Variants in OXSR1 observed in about 807,000 individuals in gnomAD.
OXSR1 encodes serine/threonine-protein kinase OSR1.
OXSR1 carries 24 observed loss-of-function variants against 79.8 expected under a neutral mutation model. The observed-to-expected ratio is 0.30, with a 90% CI of 0.22 to 0.42. OXSR1 has a LOEUF of 0.42. Ranked by LOEUF, OXSR1 falls within the 10% of genes least tolerant of loss-of-function variation. The pLI is 1.00. For missense variants in OXSR1, 430 were observed against 618.4 expected, an observed-to-expected ratio of 0.70 and a Z score of 3.23; for synonymous variants, 226 against 209.2, an observed-to-expected ratio of 1.08 and a Z score of -0.69.
intron 4 of OXSR1, among the ~76,000 whole-genome samples, chr3:38,206,884 A>C (rs1264193456): frequency 6.6e-6 from 1 of 152,210 alleles, no homozygotes; most frequent in African/African-American, 2.4e-5. Context: ...ACCTCTGGCA[A>C]GTTATTTAAT....
At chr3:38,178,807 A>G (rs1701726478) in intron 1 of OXSR1, among the ~76,000 whole-genome samples, 1 of 151,534 alleles carries the variant, frequency 6.6e-6, no homozygotes, top group Non-Finnish European at 1.5e-5. Context: ...TTTGTAGCAC[A>G]TTAGTATTAG....
At chr3:38,203,118 G>A (rs1702197653) in intron 4 of OXSR1, among the ~76,000 whole-genome samples, 1 of 152,200 alleles carries the variant, frequency 6.6e-6, no homozygotes, top group African/African-American at 2.4e-5. Context: ...GTAGTAGATA[G>A]CGGTAGAAGG....
chr3:38,249,867 C>T, intron 14 of OXSR1, 99 bp from the exon 15 acceptor site: 2 of 764,480 alleles, frequency 2.6e-6, no homozygotes, highest in Non-Finnish European at 4.5e-6. Flanking sequence ...GGGAACAAAA[C>T]AGACTTTCTT....
rs561467648 is a variant in OXSR1 at position 38,211,203 on chromosome 3, A to G, written c.435-4893A>G. 2.6e-5 allele frequency among the ~76,000 whole-genome samples: 4 copies of G among 152,284 alleles called. No homozygotes were observed. In the East Asian group the frequency reaches 7.7e-4, roughly 29 times the overall value. ...TAGACAGTATGTACCTCACTTGGGC[A>G]TTCTGTCTGGTCCTTCATATCAGCT... On this transcript the variant is annotated intron_variant, in intron 4 of 17. Transcript: ENST00000311806.
chr3:38,165,490 A>G (rs1027398938), upstream of OXSR1: 28 of 223,412 alleles, frequency 1.3e-4, 1 homozygote, highest in South Asian at 7.2e-5. Flanking sequence ...CAGCGCAGTG[A>G]CGTCAGCGCG....
intron 12 of OXSR1, 92 bp from the exon 13 acceptor site, chr3:38,245,983 A>C: frequency 8.6e-7 from 1 of 1,168,804 alleles, no homozygotes; most frequent in South Asian, 1.3e-5. Context: ...AACTACTTTG[A>C]AAATATCACC....
At chr3:38,230,297 CT>C in intron 9 of OXSR1, 67 bp from the exon 10 acceptor site, 1 of 1,005,794 alleles carries the variant, frequency 9.9e-7, no homozygotes, top group Non-Finnish European at 1.6e-6. Context: ...TTATGGTGAA[CT>C]TTTTTGTGGG....
Position 38,253,170 on chromosome 3 carries a change from G to C in OXSR1, c.*279G>C. 2.5e-6 allele frequency: 1 copy of C among 405,104 alleles called. No homozygotes were observed. Among genetic ancestry groups the C allele is most frequent in the African/African-American group, 2.1e-5 (1 of 48,750 alleles). The allele number at this position is 405,104 out of a possible 1,614,324, so 25.1% of individuals were successfully genotyped here. On this transcript the variant is annotated 3_prime_UTR_variant, in exon 18 of 18. Coordinates refer to ENST00000311806, the MANE Select transcript of OXSR1 (RefSeq NM_005109.3). ...TGAGAAGTGGCCCATGTGCTTCAAG[G>C]CCCAGGAGGGAGATCTGTCAGCTCA...
intron 10 of OXSR1, among the ~76,000 whole-genome samples, chr3:38,234,119 A>G (rs764436956): frequency 2.0e-5 from 3 of 152,198 alleles, no homozygotes; most frequent in Admixed American, 6.5e-5. Context: ...TTGTTGACCT[A>G]AATATAAGAG....
chr3:38,251,915 G>A (rs542892796), intron 16 of OXSR1, among the ~76,000 whole-genome samples: 5 of 152,298 alleles, frequency 3.3e-5, no homozygotes, highest in East Asian at 1.9e-4. Context: ...ACAGTTTTCC[G>A]TGAAAAACCA....
intron 2 of OXSR1, among the ~76,000 whole-genome samples, chr3:38,185,048 A>G (rs976381712): frequency 3.4e-5 from 5 of 148,862 alleles, no homozygotes; most frequent in Admixed American, 3.4e-4. Flanking sequence ...GGTTCAAGCA[A>G]TTCTCCTACC....
intron 2 of OXSR1, among the ~76,000 whole-genome samples, chr3:38,185,458 C>T (rs1270247661): frequency 2.0e-5 from 3 of 151,966 alleles, no homozygotes; most frequent in Non-Finnish European, 2.9e-5. Context: ...TGGTGGTGCA[C>T]GCCTGTAATT....
chr3:38,181,546 G>C (rs559186413), intron 1 of OXSR1, among the ~76,000 whole-genome samples: 36 of 151,912 alleles, frequency 2.4e-4, no homozygotes, highest in Admixed American at 3.3e-4. Flanking sequence ...AGTAGAGATG[G>C]GGTTTTAAAC....
intron 4 of OXSR1, among the ~76,000 whole-genome samples, chr3:38,210,887 T>A (rs1702372876): frequency 6.6e-6 from 1 of 152,194 alleles, no homozygotes; most frequent in South Asian, 2.1e-4. Flanking sequence ...TCTTTTACCT[T>A]CTGATGTCCA....
intron 1 of OXSR1, among the ~76,000 whole-genome samples, chr3:38,181,850 T>A (rs1701793423): frequency 6.6e-6 from 1 of 151,684 alleles, no homozygotes; most frequent in Non-Finnish European, 1.5e-5. Flanking sequence ...TTATTGTACC[T>A]TGGACATTTA....
At chr3:38,210,276 C>A (rs982190698) in intron 4 of OXSR1, among the ~76,000 whole-genome samples, 4 of 152,098 alleles carry the variant, frequency 2.6e-5, no homozygotes, top group Non-Finnish European at 4.4e-5. Context: ...TCAGTTCCCC[C>A]CCAAGGTGAG....
At position 38,247,599 on chromosome 3, in the gene OXSR1, C is replaced by T; in HGVS notation, c.1258-69C>T. On this transcript the variant is annotated intron_variant, in intron 13 of 17. Coordinates refer to ENST00000311806, the MANE Select transcript of OXSR1 (RefSeq NM_005109.3). ...GCTGCCAAGTAAATGATTCCTCTGC[C>T]AGTGACCATTAGTCACCTCCCCACT... The T allele has an allele frequency of 7.4e-6, 8 of 1,074,918 alleles. No individual in the cohort carries two copies. In the South Asian group the frequency reaches 1.0e-4, roughly 14 times the overall value. 66.6% of individuals were successfully genotyped at this position (1,074,918 alleles called of 1,614,324 possible).
At chr3:38,215,321 C>T (rs1702461910) in intron 4 of OXSR1, among the ~76,000 whole-genome samples, 1 of 152,142 alleles carries the variant, frequency 6.6e-6, no homozygotes, top group African/African-American at 2.4e-5. Context: ...AACAATGCTG[C>T]AGTAGAACCC....
chr3:38,252,244 C>T, intron 16 of OXSR1, 84 bp from the exon 17 acceptor site: 1 of 917,984 alleles, frequency 1.1e-6, no homozygotes, highest in Non-Finnish European at 1.8e-6. Flanking sequence ...ATATTCTTAA[C>T]TACCATTTAA....
Sources: allele counts gnomAD v4.1 joint callset (sites outside exome capture counted in the v4.1 genomes callset), GRCh38; gene constraint gnomAD v4.1.1; transcripts MANE v1.5; gene names NCBI Gene and HGNC (gene_info 2026-07-23, HGNC 2026-07-21).